The following UNC5A variants were observed in gnomAD, a reference collection of about 807,000 sequenced individuals.
UNC5A encodes netrin receptor UNC5A.
In UNC5A, 20 loss-of-function variants were observed where a neutral mutation model predicts 87.4. The observed-to-expected ratio is 0.23, with a 90% CI of 0.16 to 0.33. UNC5A has a LOEUF of 0.33. Ranked by LOEUF, UNC5A falls within the 10% of genes least tolerant of loss-of-function variation. The pLI, the probability that UNC5A is intolerant of heterozygous loss-of-function variation, is 1.00. For missense variants in UNC5A, 844 were observed against 1,133.4 expected (o/e 0.74, Z 3.67); for synonymous variants, 438 against 482.3 (o/e 0.91, Z 1.20).
At position 176,877,668 on chromosome 5, in the gene UNC5A, C is replaced by T. The variant is rs776424930; in HGVS notation, c.1600C>T (p.Arg534Cys). Residue 534 changes from arginine to cysteine, a missense_variant, in exon 10 of 15, where the codon CGC becomes TGC. Around this residue, in one of 3 missense-constraint regions of UNC5A, gnomAD observed 353 missense variants for 387.5 expected, o/e 0.91. Coordinates refer to ENST00000329542, the MANE Select transcript of UNC5A (RefSeq NM_133369.3). The part of the protein sequence containing the change: ...GEPSPDSWSL[R>C]LKKQSCEGSW... ...GCCCAGCCCTGACAGCTGGAGCCTG[C>T]GCCTCAAAAAGCAGTCGTGCGAGGG... 6.2e-6 allele frequency: 10 copies of T among 1,609,338 alleles called. No individual in the cohort carries two copies. Among genetic ancestry groups the T allele is most frequent in the African/African-American group, 1.3e-5 (1 of 74,858 alleles).
At chr5:176,822,696 G>C (rs1447200481) in intron 1 of UNC5A, among the ~76,000 whole-genome samples, 1 of 152,218 alleles carries the variant, frequency 6.6e-6, no homozygotes, top group East Asian at 1.9e-4. Context: ...TGGTCCCTGG[G>C]CACCCCCTGC....
At position 176,877,297 on chromosome 5, in the gene UNC5A, G is replaced by C; in HGVS notation, c.1466+18G>C. Reference sequence around the variant, plus strand: ...GACGTGAGGTGTGGCCGCGGGCCCTGTTGCCGGGGGTGGGAGGGACCTGCC... The same window carrying C: ...GACGTGAGGTGTGGCCGCGGGCCCTCTTGCCGGGGGTGGGAGGGACCTGCC... On this transcript the variant is annotated intron_variant, in intron 9 of 14. Coordinates refer to ENST00000329542, the MANE Select transcript of UNC5A (RefSeq NM_133369.3). 6.2e-7 allele frequency: 1 copy of C among 1,604,014 alleles called. No homozygotes were observed. The highest frequency in any genetic ancestry group is 8.5e-7 in the Non-Finnish European group (1 of 1,173,452).
intron 1 of UNC5A, among the ~76,000 whole-genome samples, chr5:176,817,690 G>T (rs939855112): frequency 3.9e-5 from 6 of 151,908 alleles, no homozygotes; most frequent in East Asian, 2.0e-4. Context: ...CTTGGTACGC[G>T]AGGGCCCTTA....
chr5:176,823,589 G>C (rs1010544478), intron 1 of UNC5A, among the ~76,000 whole-genome samples: 2 of 152,062 alleles, frequency 1.3e-5, no homozygotes, highest in African/African-American at 4.8e-5. Flanking sequence ...GGGTAGGTCG[G>C]TATCAGCAGG....
At chr5:176,843,706 G>T (rs1229582059) in intron 1 of UNC5A, among the ~76,000 whole-genome samples, 1 of 152,264 alleles carries the variant, frequency 6.6e-6, no homozygotes, top group Non-Finnish European at 1.5e-5. Context: ...TGGACGGGTG[G>T]CTTGTTTGCA....
intron 1 of UNC5A, among the ~76,000 whole-genome samples, chr5:176,816,443 C>T (rs1396061891): frequency 6.6e-6 from 1 of 152,278 alleles, no homozygotes; most frequent in Non-Finnish European, 1.5e-5. Flanking sequence ...TTCCTGGGCA[C>T]TGATGTCAGG....
rs200004005 is a variant in UNC5A, at chr5:176,865,666, C to T, written c.293-2464C>T. ...CCCACGGCAGATACCACGGCAGTGG[C>T]GCCACGCCGCCAAAGACCAAAGACC... On this transcript the variant is annotated intron_variant, in intron 2 of 14. Coordinates refer to ENST00000329542, the MANE Select transcript of UNC5A (RefSeq NM_133369.3). The surrounding 1 kb of genome is among the most constrained non-coding windows in gnomAD (Gnocchi z 5.3). The T allele has an allele frequency of 1.3e-3, 610 of 456,664 alleles. No individual in the cohort carries two copies. The highest frequency in any genetic ancestry group is 2.4e-3 in the Non-Finnish European group (541 of 226,988). The allele number at this position is 456,664 out of a possible 1,614,324, so 28.3% of individuals were successfully genotyped here.
At position 176,874,427 on chromosome 5, in the gene UNC5A, C is replaced by G. The variant is rs1349756861; in HGVS notation, c.1239C>G (p.Ser413Arg). ...GCGGCCGCCACACACTGCACCACAG[C>G]TCTCCCACCTCTGAGGCCGAGGAGT... ...LGGGRHTLHH[S>R]SPTSEAEEFV... Residue 413 changes from serine (S) to arginine (R), a missense_variant, in exon 8 of 15, where the codon AGC becomes AGG. This residue lies in a region of UNC5A where 353 missense variants were observed against 387.5 expected (regional missense o/e 0.91). Coordinates refer to ENST00000329542, the MANE Select transcript of UNC5A (RefSeq NM_133369.3). The surrounding 1 kb of genome is among the most constrained non-coding windows in gnomAD (Gnocchi z 7.6). The G allele has an allele frequency of 6.2e-7, 1 of 1,613,388 alleles. No homozygotes were observed. Among genetic ancestry groups the G allele is most frequent in the Non-Finnish European group, 8.5e-7 (1 of 1,179,838 alleles).
At chr5:176,812,436 G>C (rs1042271731) in intron 1 of UNC5A, among the ~76,000 whole-genome samples, 1 of 152,184 alleles carries the variant, frequency 6.6e-6, no homozygotes, top group South Asian at 2.1e-4. Flanking sequence ...GTAACCAGGG[G>C]GGTTGGCATG....
rs565441091 is a variant in UNC5A, at chr5:176,824,386, A to G, written c.70+13566A>G. On this transcript the variant is annotated intron_variant, in intron 1 of 14. Transcript: ENST00000329542. This position sits in a 1 kb window ranked among gnomAD's most constrained non-coding sequence, Gnocchi z 4.2. ...CAGCCTTCCTGGCCCTAGATCCACA[A>G]ACTTCCCGCTTTAACGCCCGTGTGA... 6.6e-6 allele frequency among the ~76,000 whole-genome samples: 1 copy of G among 152,102 alleles called. No homozygotes were observed. Among genetic ancestry groups the G allele is most frequent in the Admixed American group, 6.5e-5 (1 of 15,292 alleles).
intron 2 of UNC5A, among the ~76,000 whole-genome samples, chr5:176,867,076 C>G (rs893522378): frequency 6.6e-6 from 1 of 152,202 alleles, no homozygotes; most frequent in Non-Finnish European, 1.5e-5. Flanking sequence ...CCGCTCTTCC[C>G]GCAATGCAGC....
In UNC5A at chr5:176,868,288, G is replaced by A. The variant is rs1758022259; in HGVS notation, c.436+15G>A. 1 of 1,611,704 alleles carries A rather than the reference G, an allele frequency of 6.2e-7. No individual in the cohort carries two copies. The highest frequency in any genetic ancestry group is 1.3e-5 in the African/African-American group (1 of 74,748). ...CCGCATAGCCTGTGAGTCTAGGGCT[G>A]GGCCCTGGGGGAGGGCGCACGGCGG... On this transcript the variant is annotated intron_variant, in intron 3 of 14. Coordinates refer to ENST00000329542, the MANE Select transcript of UNC5A (RefSeq NM_133369.3).
chr5:176,869,516 C>A lies in UNC5A; in HGVS notation c.721+552C>A. 1.6e-6 allele frequency: 1 copy of A among 615,350 alleles called. No homozygotes were observed. Among genetic ancestry groups the A allele is most frequent in the South Asian group, 1.8e-5 (1 of 55,302 alleles). The allele number at this position is 615,350 out of a possible 1,614,324, so 38.1% of individuals were successfully genotyped here. A position where few individuals can be genotyped will look rare whatever the true frequency, so the allele number is the denominator to read the frequency against. On this transcript the variant is annotated intron_variant, in intron 5 of 14. Transcript: ENST00000329542. The surrounding 1 kb of genome is among the most constrained non-coding windows in gnomAD (Gnocchi z 9.1). The stretch of plus-strand genomic sequence containing the variant: ...CAGCTCAGCCACAGCCCACCCGTGT[C>A]CAGCTCACAGCCCCTCTGCCCTCAC...
intron 6 of UNC5A, 97 bp from the exon 7 acceptor site, chr5:176,873,871 G>A: frequency 7.5e-7 from 1 of 1,331,640 alleles, no homozygotes; most frequent in Non-Finnish European, 1.0e-6. Flanking sequence ...AGATGCCCCG[G>A]GGTGCAGACC....
chr5:176,862,654 C>T lies in UNC5A; in HGVS notation c.101C>T (p.Pro34Leu), dbSNP rs754287139. The T allele has an allele frequency of 1.2e-6, 2 of 1,613,584 alleles. No individual in the cohort carries two copies. Among genetic ancestry groups the T allele is most frequent in the Admixed American group, 3.3e-5 (2 of 60,026 alleles). ...CAGCAGAGTGCCACCGTGGCCAACC[C>T]AGTGCCTGGTGCCAACCCGGACCTG... The part of the protein sequence containing the change: ...GAQQSATVAN[P>L]VPGANPDLLP... The change falls in exon 2 of 15, where the codon CCA becomes CTA. Residue 34 changes from proline to leucine, a missense_variant. By Grantham distance (98) the Pro-to-Leu change is moderately conservative. Around this residue, in one of 3 missense-constraint regions of UNC5A, gnomAD observed 314 missense variants for 466.5 expected, o/e 0.67. Coordinates refer to ENST00000329542, the MANE Select transcript of UNC5A (RefSeq NM_133369.3).
chr5:176,830,621 CGTGT>C (rs371926305), intron 1 of UNC5A, among the ~76,000 whole-genome samples: 2 of 106,118 alleles, frequency 1.9e-5, no homozygotes, highest in Admixed American at 2.1e-4. Context: ...TGTGCGCTGG[CGTGT>C]GTGTGTGTGC....
chr5:176,825,214 A>G (rs1380733957), intron 1 of UNC5A, among the ~76,000 whole-genome samples: 1 of 152,210 alleles, frequency 6.6e-6, no homozygotes, highest in Non-Finnish European at 1.5e-5. Flanking sequence ...CTCGAATCCC[A>G]TTCAAAGAGG....
Position 176,874,409 on chromosome 5 carries a change from C to T in UNC5A, c.1221C>T (p.Arg407=). 6.2e-7 allele frequency: 1 copy of T among 1,613,650 alleles called. No homozygotes were observed. The highest frequency in any genetic ancestry group is 8.5e-7 in the Non-Finnish European group (1 of 1,179,944). Residue 407 remains arginine, a synonymous_variant, in exon 8 of 15, where the codon CGC becomes CGT. Transcript: ENST00000329542. This position sits in a 1 kb window ranked among gnomAD's most constrained non-coding sequence, Gnocchi z 7.6. The part of the protein sequence containing the change: ...GHLLSPLGGG[R]HTLHHSSPTS... ...TGCTCAGCCCCCTGGGTGGCGGCCG[C>T]CACACACTGCACCACAGCTCTCCCA...
intron 1 of UNC5A, among the ~76,000 whole-genome samples, chr5:176,839,276 C>G (rs547753761): frequency 6.6e-6 from 1 of 152,236 alleles, no homozygotes; most frequent in African/African-American, 2.4e-5. Context: ...TAGCTGGGAG[C>G]AGGTAGGGGG....
Sources: gnomAD v4.1 joint callset for allele counts (sites outside exome capture counted in the v4.1 genomes callset) on GRCh38, gnomAD v4.1.1 for gene constraint, gnomAD v4.1.1 regional missense constraint, Gnocchi (gnomAD v3.1) non-coding constraint, MANE v1.5 for transcripts, NCBI Gene and HGNC (gene_info 2026-07-23, HGNC 2026-07-21) for gene names.